HNF4G: variants seen among roughly 807,000 people sequenced by gnomAD.
The protein encoded by HNF4G is hepatocyte nuclear factor 4 gamma, also known as hepatocyte nuclear factor 4-gamma.
HNF4G carries 21 observed loss-of-function variants against 50.9 expected under a neutral mutation model. The ratio of observed to expected loss-of-function variants is 0.41; its 90% CI spans 0.29 to 0.59. The LOEUF (loss-of-function observed/expected upper bound fraction) is 0.59. Ranked by LOEUF, HNF4G falls within the 20% of genes least tolerant of loss-of-function variation. HNF4G has a pLI of 0.26. For missense variants in HNF4G, 527 were observed against 559.4 expected (o/e 0.94, Z 0.58); for synonymous variants, 198 against 185.6 (o/e 1.07, Z -0.54).
At chr8:75,408,511 T>C (rs1810417719) in intron 1 of HNF4G, among the ~76,000 whole-genome samples, 1 of 152,072 alleles carries the variant, frequency 6.6e-6, no homozygotes, top group Non-Finnish European at 1.5e-5. Context: ...GGACACATCT[T>C]GGGAGTGGGC....
intron 1 of HNF4G, among the ~76,000 whole-genome samples, chr8:75,477,881 C>T (rs891685505): frequency 6.6e-6 from 1 of 152,072 alleles, no homozygotes; most frequent in Non-Finnish European, 1.5e-5. Context: ...GCAGGAGAAT[C>T]GCTTGAACCC....
At chr8:75,499,444 G>T (rs1287195627) in intron 2 of HNF4G, among the ~76,000 whole-genome samples, 1 of 151,836 alleles carries the variant, frequency 6.6e-6, no homozygotes, top group African/African-American at 2.4e-5. Flanking sequence ...TATGTAAGAT[G>T]GCAATACTCC....
intron 9 of HNF4G, among the ~76,000 whole-genome samples, chr8:75,561,538 G>C (rs1405748360): frequency 6.6e-6 from 1 of 152,170 alleles, no homozygotes; most frequent in Admixed American, 6.5e-5. Context: ...GAACTGAATA[G>C]AAGATGCTCA....
intron 1 of HNF4G, among the ~76,000 whole-genome samples, chr8:75,456,713 A>T (rs1377814540): frequency 4.0e-5 from 6 of 151,548 alleles, no homozygotes; most frequent in African/African-American, 1.4e-4. Flanking sequence ...AGAATATTTT[A>T]TTTATTTAAT....
At position 75,471,751 on chromosome 8, in the gene HNF4G, G is replaced by A. The variant is rs183001237; in HGVS notation, c.-143-18338G>A. On this transcript the variant is annotated intron_variant, in intron 1 of 10. Coordinates refer to the HNF4G transcript ENST00000354370. ...TTGGAGGGATCATTTTCAGTTCTCTGAACCTTGGTTTTCTAATTGGCAAAA... is the reference window on the plus strand; with the variant it reads ...TTGGAGGGATCATTTTCAGTTCTCTAAACCTTGGTTTTCTAATTGGCAAAA... 5.3e-5 allele frequency among the ~76,000 whole-genome samples: 8 copies of A among 152,272 alleles called. No individual in the cohort carries two copies. The East Asian group carries it at 1.5e-3, about 29-fold the overall frequency.
chr8:75,472,538 TCTTTGC>T (rs2130635918), intron 1 of HNF4G, among the ~76,000 whole-genome samples: 1 of 152,354 alleles, frequency 6.6e-6, no homozygotes, highest in Non-Finnish European at 1.5e-5. Context: ...ACTCAGTCGT[TCTTTGC>T]CTTACCCTAT....
At chr8:75,540,748 T>C (rs987987664) in intron 1 of HNF4G, among the ~76,000 whole-genome samples, 1 of 152,074 alleles carries the variant, frequency 6.6e-6, no homozygotes. Context: ...CTATTGACTT[T>C]GAATTTAGAC....
At chr8:75,433,015 G>A (rs1426297411) in intron 1 of HNF4G, among the ~76,000 whole-genome samples, 1 of 152,134 alleles carries the variant, frequency 6.6e-6, no homozygotes, top group Non-Finnish European at 1.5e-5. Flanking sequence ...GTCTTCGGAT[G>A]TCTGTACTCC....
upstream of HNF4G, chr8:75,539,864 A>G (rs749220980): frequency 1.1e-5 from 7 of 640,912 alleles, no homozygotes; most frequent in Non-Finnish European, 2.0e-5. Flanking sequence ...GTTACAGTTA[A>G]CTTTGGATTA....
intron 2 of HNF4G, among the ~76,000 whole-genome samples, chr8:75,502,490 C>T (rs1270152288): frequency 2.0e-5 from 3 of 151,996 alleles, no homozygotes; most frequent in Non-Finnish European, 2.9e-5. Flanking sequence ...AGCAAACAGC[C>T]TAATGGGCAA....
rs1320854887 is a variant in HNF4G, at chr8:75,566,601, G to T, written c.*2505G>T. 6.6e-6 allele frequency: 1 copy of T among 152,340 alleles called. No homozygotes were observed. Among genetic ancestry groups the T allele is most frequent in the Non-Finnish European group, 1.5e-5 (1 of 67,970 alleles). 9.4% of individuals were successfully genotyped at this position (152,340 alleles called of 1,614,324 possible). On this transcript the variant is annotated 3_prime_UTR_variant, in exon 10 of 10. Coordinates refer to ENST00000396423, the MANE Select transcript of HNF4G (RefSeq NM_004133.5). ...GCATATTTTCAAAATATTGATAAGG[G>T]AAGTTATTACTTTTATATAGTATTC...
intron 1 of HNF4G, among the ~76,000 whole-genome samples, chr8:75,471,803 A>G (rs1812121332): frequency 6.6e-6 from 1 of 152,158 alleles, no homozygotes; most frequent in African/African-American, 2.4e-5. Context: ...GTGTACTCCC[A>G]ATGTTGTGAG....
chr8:75,498,143 AAAT>A (rs1298139910), intron 2 of HNF4G, among the ~76,000 whole-genome samples: 9 of 152,104 alleles, frequency 5.9e-5, no homozygotes, highest in African/African-American at 2.2e-4. Flanking sequence ...TTCTCTAAAT[AAAT>A]AATATTTTTC....
At chr8:75,512,517 T>C (rs1169693628) in intron 2 of HNF4G, among the ~76,000 whole-genome samples, 1 of 151,612 alleles carries the variant, frequency 6.6e-6, no homozygotes, top group Non-Finnish European at 1.5e-5. Flanking sequence ...CAGGCTGGAG[T>C]GCAGTGGTGC....
At chr8:75,499,242 ACAGT>A (rs1812861478) in intron 2 of HNF4G, among the ~76,000 whole-genome samples, 1 of 152,052 alleles carries the variant, frequency 6.6e-6, no homozygotes, top group Non-Finnish European at 1.5e-5. Context: ...TTAGCAAACA[ACAGT>A]CAGAAGGTGA....
At chr8:75,555,802 T>G (rs1807100771) in intron 5 of HNF4G, among the ~76,000 whole-genome samples, 180 bp from the exon 6 acceptor site, 2 of 152,034 alleles carry the variant, frequency 1.3e-5, no homozygotes, top group Non-Finnish European at 2.9e-5. Context: ...AAAAGTAAGT[T>G]CTATTGACAT....
At chr8:75,537,484 A>G (rs1806497154), upstream of HNF4G, among the ~76,000 whole-genome samples, 1 of 152,002 alleles carries the variant, frequency 6.6e-6, no homozygotes, top group South Asian at 2.1e-4. Context: ...GGGCTCAAGC[A>G]ATCTACTTGC....
chr8:75,532,175 A>G (rs1248611344), intron 2 of HNF4G, among the ~76,000 whole-genome samples: 3 of 152,160 alleles, frequency 2.0e-5, no homozygotes, highest in East Asian at 3.9e-4. Context: ...TGCACATGTT[A>G]TTTTGAGAGA....
chr8:75,419,999 G>C lies in HNF4G; in HGVS notation c.-144+11837G>C, dbSNP rs115455256. Among the ~76,000 whole-genome samples, 1,030 of 152,082 alleles carry C rather than the reference G, an allele frequency of 6.8e-3. 16 individuals are homozygous for C. Among genetic ancestry groups the C allele is most frequent in the African/African-American group, 0.023 (966 of 41,472 alleles). On this transcript the variant is annotated intron_variant, in intron 1 of 10. Coordinates refer to the HNF4G transcript ENST00000354370. ...GCACCATTTCTGGCACTTGGTAGTTGCTTAACCAACTGAAATATTTTTTCG... is the reference window on the plus strand; with the variant it reads ...GCACCATTTCTGGCACTTGGTAGTTCCTTAACCAACTGAAATATTTTTTCG...
Sources: gnomAD v4.1 joint callset for allele counts (sites outside exome capture counted in the v4.1 genomes callset) on GRCh38, gnomAD v4.1.1 for gene constraint, MANE v1.5 for transcripts, NCBI Gene and HGNC (gene_info 2026-07-23, HGNC 2026-07-21) for gene names.